Variants in MACC1 observed in about 807,000 individuals in gnomAD.
MACC1 encodes metastasis-associated in colon cancer protein 1.
A neutral mutation model predicts 70.7 loss-of-function variants in MACC1; 79 were observed. The observed-to-expected ratio is 1.12, with a 90% CI of 0.93 to 1.35. The LOEUF (loss-of-function observed/expected upper bound fraction) is 1.35. Ranked by LOEUF, MACC1 falls within the 40% of genes most tolerant of loss-of-function variation. The pLI is 0.00. For synonymous variants in MACC1, 361 were observed against 347.2 expected, an observed-to-expected ratio of 1.04 and a Z score of -0.44; for missense variants, 1,106 against 978.1, an observed-to-expected ratio of 1.13 and a Z score of -1.74.
At chr7:20,181,978 TG>T (rs562057155) in intron 1 of MACC1, among the ~76,000 whole-genome samples, 103 of 152,172 alleles carry the variant, frequency 6.8e-4, no homozygotes, top group Admixed American at 6.4e-3. Flanking sequence ...TAAGAAAATG[TG>T]GCACATATAC....
At chr7:20,194,141 G>A (rs2128107475) in intron 1 of MACC1, among the ~76,000 whole-genome samples, 1 of 152,276 alleles carries the variant, frequency 6.6e-6, no homozygotes, top group South Asian at 2.1e-4. Context: ...ATCTGACTCA[G>A]TTGTCAAATA....
At chr7:20,169,336 G>A (rs529740175) in intron 2 of MACC1, among the ~76,000 whole-genome samples, 6 of 152,298 alleles carry the variant, frequency 3.9e-5, no homozygotes, top group Non-Finnish European at 7.4e-5. Context: ...TGTAGTTATG[G>A]ACCTGCAGTC....
intron 5 of MACC1, among the ~76,000 whole-genome samples, 192 bp from the exon 6 acceptor site, chr7:20,154,573 A>G: frequency 6.6e-6 from 1 of 152,200 alleles, no homozygotes; most frequent in South Asian, 2.1e-4. Context: ...AGTAGACATA[A>G]CTAAGCCAGA....
chr7:20,158,113 A>G, intron 5 of MACC1, 91 bp downstream of exon 5: 1 of 1,427,852 alleles, frequency 7.0e-7, no homozygotes. Context: ...GAATTTTTAA[A>G]CATTTCTCCT....
At chr7:20,174,878 T>C (rs924356658) in intron 1 of MACC1, among the ~76,000 whole-genome samples, 3 of 152,148 alleles carry the variant, frequency 2.0e-5, no homozygotes, top group African/African-American at 4.8e-5. Flanking sequence ...TTGTATTGCT[T>C]TTGCAAAATC....
rs188719707 is a variant in MACC1, at chr7:20,183,099, G to A, written c.-217-12321C>T. Among the ~76,000 whole-genome samples, 16 of 152,310 alleles carry A rather than the reference G, an allele frequency of 1.1e-4. No homozygotes were observed. In the East Asian group the frequency reaches 2.9e-3, roughly 28 times the overall value. On this transcript the variant is annotated intron_variant, in intron 1 of 6. Transcript: ENST00000400331. ...GATAAGATGCCTCATCCATGATTAC[G>A]TGACATTGTATGGCAAAAGGGAATT...
chr7:20,147,261 C>T (rs1781906203), intron 6 of MACC1, among the ~76,000 whole-genome samples: 1 of 152,184 alleles, frequency 6.6e-6, no homozygotes, highest in African/African-American at 2.4e-5. Flanking sequence ...TGAAATGCCA[C>T]ATGAGTAGAA....
intron 6 of MACC1, among the ~76,000 whole-genome samples, chr7:20,141,599 A>G (rs568189021): frequency 6.6e-6 from 1 of 152,306 alleles, no homozygotes; most frequent in East Asian, 1.9e-4. Context: ...TATATTTAAC[A>G]TTTTAAATTA....
intron 5 of MACC1, among the ~76,000 whole-genome samples, chr7:20,156,551 A>G (rs922237711): frequency 6.6e-6 from 1 of 152,230 alleles, no homozygotes. Flanking sequence ...TATGAGAGTT[A>G]ATGAGCTATT....
intron 6 of MACC1, among the ~76,000 whole-genome samples, chr7:20,151,274 A>G (rs754592503): frequency 1.3e-5 from 2 of 152,162 alleles, no homozygotes; most frequent in Admixed American, 6.5e-5. Context: ...AATCCCCAGC[A>G]TGTCCCCTTG....
intron 1 of MACC1, among the ~76,000 whole-genome samples, chr7:20,212,684 G>A (rs969776493): frequency 2.0e-5 from 3 of 151,846 alleles, no homozygotes; most frequent in African/African-American, 7.3e-5. Context: ...TCTGCTTGAA[G>A]GTCCATTCTC....
In MACC1 at chr7:20,213,843, C is replaced by T. The variant is rs149927934; in HGVS notation, c.-218+3456G>A. 1.2e-3 allele frequency among the ~76,000 whole-genome samples: 177 copies of T among 152,114 alleles called. 1 individual carries two copies. Among genetic ancestry groups the T allele is most frequent in the African/African-American group, 4.1e-3 (170 of 41,500 alleles). On this transcript the variant is annotated intron_variant, in intron 1 of 6. Transcript: ENST00000400331. Reference sequence around the variant, plus strand: ...CTGGGTGATGAAATAATCTGTACAACGAAGCCCCATGACATAAGTTTACCT... The same window carrying T: ...CTGGGTGATGAAATAATCTGTACAATGAAGCCCCATGACATAAGTTTACCT...
At chr7:20,184,278 A>C (rs553841296) in intron 1 of MACC1, among the ~76,000 whole-genome samples, 17 of 152,258 alleles carry the variant, frequency 1.1e-4, no homozygotes, top group African/African-American at 4.1e-4. Flanking sequence ...GAGAAACCCC[A>C]AGATTAACAA....
chr7:20,196,305 A>T (rs749128201), intron 1 of MACC1, among the ~76,000 whole-genome samples: 7 of 151,988 alleles, frequency 4.6e-5, no homozygotes, highest in East Asian at 3.9e-4. Context: ...CTCAGCCTCC[A>T]GAGTAGCTGG....
At chr7:20,200,554 G>A (rs1782819321) in intron 1 of MACC1, among the ~76,000 whole-genome samples, 1 of 152,160 alleles carries the variant, frequency 6.6e-6, no homozygotes, top group Non-Finnish European at 1.5e-5. Flanking sequence ...TTTAGTTTAG[G>A]AAACTGCCAA....
intron 4 of MACC1, 34 bp downstream of exon 4, chr7:20,161,714 A>G (rs552060236): frequency 7.6e-7 from 1 of 1,322,410 alleles, no homozygotes; most frequent in African/African-American, 1.4e-5. Context: ...ATATACTTAC[A>G]TGGACAAATC....
intron 1 of MACC1, among the ~76,000 whole-genome samples, chr7:20,202,895 T>C (rs1002294326): frequency 6.6e-6 from 1 of 152,260 alleles, no homozygotes; most frequent in African/African-American, 2.4e-5. Flanking sequence ...AACTTTGTTC[T>C]GGAAATCCAT....
chr7:20,198,597 C>T (rs1001372219), intron 1 of MACC1: 2 of 152,226 alleles, frequency 1.3e-5, no homozygotes, highest in African/African-American at 4.8e-5. Context: ...TCCTGGTCTG[C>T]CCCTGGTCCA....
chr7:20,189,210 G>C (rs556236199), intron 1 of MACC1, among the ~76,000 whole-genome samples: 1 of 151,972 alleles, frequency 6.6e-6, no homozygotes, highest in East Asian at 1.9e-4. Flanking sequence ...ACTTCTCATT[G>C]TACTTCTCTG....
Sources: allele counts gnomAD v4.1 joint callset (sites outside exome capture counted in the v4.1 genomes callset), GRCh38; gene constraint gnomAD v4.1.1; transcripts MANE v1.5; gene names NCBI Gene and HGNC (gene_info 2026-07-23, HGNC 2026-07-21).